The following ATG7 variants were observed in gnomAD, a reference collection of about 807,000 sequenced individuals.
ATG7 encodes the protein ubiquitin-like modifier-activating enzyme ATG7.
In ATG7, 70 loss-of-function variants were observed where a neutral mutation model predicts 82.4. That is an observed-to-expected ratio of 0.85 (90% CI 0.70 to 1.04). The LOEUF (loss-of-function observed/expected upper bound fraction) is 1.04, where lower values mean the gene tolerates loss of function less well. ATG7 is among the 50% of genes least tolerant of loss of function. ATG7 has a pLI of 0.00. For missense variants in ATG7, 792 were observed against 864.3 expected, an observed-to-expected ratio of 0.92 and a Z score of 1.05; for synonymous variants, 287 against 313.0, an observed-to-expected ratio of 0.92 and a Z score of 0.88.
Position 11,556,626 on chromosome 3 carries a change from GAAC to G in ATG7, c.*1789_*1791del, listed in dbSNP as rs1468287039. On this transcript the variant is annotated 3_prime_UTR_variant, in exon 21 of 21. Coordinates refer to ENST00000693202, the MANE Select transcript of ATG7 (RefSeq NM_001349232.2). ...AAAAAAAGATCAACTTTTTTTTTCC[GAAC>G]AACAAAAAAAATGAATGATTACAAT... The G allele has an allele frequency of 6.7e-6, 1 of 150,296 alleles. No homozygotes were observed. The highest frequency in any genetic ancestry group is 1.5e-5 in the Non-Finnish European group (1 of 67,536). The allele number at this position is 150,296 out of a possible 1,614,324, so 9.3% of individuals were successfully genotyped here. A position where few individuals can be genotyped will look rare whatever the true frequency, so the allele number is the denominator to read the frequency against.
At chr3:11,363,316 C>T (rs528578799) in intron 17 of ATG7, among the ~76,000 whole-genome samples, 17 of 151,750 alleles carry the variant, frequency 1.1e-4, no homozygotes, top group African/African-American at 2.9e-4. Context: ...GATTTTGGCT[C>T]ACTGCAACCT....
At chr3:11,379,401 T>C (rs1385499695) in intron 18 of ATG7, among the ~76,000 whole-genome samples, 1 of 152,222 alleles carries the variant, frequency 6.6e-6, no homozygotes, top group Non-Finnish European at 1.5e-5. Flanking sequence ...TAGTCCAGAA[T>C]TTTATGCTCA....
intron 1 of ATG7, among the ~76,000 whole-genome samples, chr3:11,276,251 G>T (rs1941773077): frequency 6.6e-6 from 1 of 152,074 alleles, no homozygotes; most frequent in African/African-American, 2.4e-5. Context: ...ATCTTTAGCT[G>T]ACCCTATCCT....
intron 20 of ATG7, among the ~76,000 whole-genome samples, chr3:11,547,157 G>A (rs1300029943): frequency 6.6e-6 from 1 of 152,198 alleles, no homozygotes; most frequent in Non-Finnish European, 1.5e-5. Flanking sequence ...GTCTTTAGAG[G>A]GAATTATGTT....
At position 11,557,645 on chromosome 3, in the gene ATG7, ATAAAC is replaced by A. The variant is rs2072565831; in HGVS notation, c.*2806_*2810del. 6.5e-6 allele frequency: 1 copy of A among 152,784 alleles called. No homozygotes were observed. The highest frequency in any genetic ancestry group is 2.4e-5 in the African/African-American group (1 of 41,470). 9.5% of individuals were successfully genotyped at this position (152,784 alleles called of 1,614,324 possible). On this transcript the variant is annotated 3_prime_UTR_variant, in exon 21 of 21. Transcript: ENST00000693202. ...ATATCTAGGACTGTAACTGACAAAA[ATAAAC>A]TAATTCTGAAAAGAAGATAGTAAGT...
At chr3:11,328,270 A>G (rs543128929) in intron 9 of ATG7, among the ~76,000 whole-genome samples, 3 of 152,330 alleles carry the variant, frequency 2.0e-5, no homozygotes, top group East Asian at 3.9e-4. Flanking sequence ...TATTTCCTCC[A>G]TGATTAAACT....
At chr3:11,512,892 T>A (rs2092126620) in intron 20 of ATG7, among the ~76,000 whole-genome samples, 1 of 152,198 alleles carries the variant, frequency 6.6e-6, no homozygotes, top group Non-Finnish European at 1.5e-5. Flanking sequence ...TACAGAGAGC[T>A]GATTGGTGCG....
At chr3:11,335,710 T>C (rs558320313) in intron 11 of ATG7, among the ~76,000 whole-genome samples, 5 of 152,348 alleles carry the variant, frequency 3.3e-5, no homozygotes, top group African/African-American at 1.2e-4. Context: ...TTTTTTGCTT[T>C]TTTTGAGACA....
In ATG7 at chr3:11,546,512, C is replaced by T. The variant is rs1011930356; in HGVS notation, c.2080-8299C>T. ...ACATTTAACAAATGAACGCTTTTAACGGACACACAGAAATATAATTGTGCC... is the reference window on the plus strand; with the variant it reads ...ACATTTAACAAATGAACGCTTTTAATGGACACACAGAAATATAATTGTGCC... On this transcript the variant is annotated intron_variant, in intron 20 of 20. Coordinates refer to ENST00000693202, the MANE Select transcript of ATG7 (RefSeq NM_001349232.2). Among the ~76,000 whole-genome samples, 165 of 152,282 alleles carry T rather than the reference C, an allele frequency of 1.1e-3. 1 individual carries two copies. The highest frequency in any genetic ancestry group is 2.1e-4 in the South Asian group (1 of 4,824).
intron 11 of ATG7, among the ~76,000 whole-genome samples, chr3:11,337,320 G>A (rs1449909381): frequency 2.6e-5 from 4 of 152,116 alleles, no homozygotes; most frequent in Non-Finnish European, 5.9e-5. Flanking sequence ...GGGCATGGTG[G>A]TGCGCACCTG....
chr3:11,567,930 G>A, the ATG7 span, among the ~76,000 whole-genome samples: 2 of 152,182 alleles, frequency 1.3e-5, no homozygotes, highest in Admixed American at 6.6e-5. Flanking sequence ...GGGGGCTCAT[G>A]TCCCAGATTC....
At chr3:11,570,321 T>A in the ATG7 span, among the ~76,000 whole-genome samples, 15 of 152,058 alleles carry the variant, frequency 9.9e-5, no homozygotes. Context: ...TCCACCCACC[T>A]TCCTGCCCCA....
At chr3:11,538,664 G>A (rs539211690) in intron 20 of ATG7, among the ~76,000 whole-genome samples, 2 of 114,042 alleles carry the variant, frequency 1.8e-5, no homozygotes, top group Non-Finnish European at 3.3e-5. Flanking sequence ...TCAGTGTGAT[G>A]AAACTCCGTC....
chr3:11,395,689 C>T (rs1416594891), intron 19 of ATG7, among the ~76,000 whole-genome samples: 4 of 152,088 alleles, frequency 2.6e-5, no homozygotes, highest in Non-Finnish European at 5.9e-5. Context: ...GCCTGTAATC[C>T]CAGCACTTTG....
intron 20 of ATG7, among the ~76,000 whole-genome samples, chr3:11,500,652 T>C (rs1474573816): frequency 6.6e-6 from 1 of 152,196 alleles, no homozygotes; most frequent in Non-Finnish European, 1.5e-5. Context: ...AAGGTTTTTT[T>C]GTTTGTTTGT....
intron 13 of ATG7, 86 bp downstream of exon 13, chr3:11,342,365 C>T (rs1953786521): frequency 2.1e-6 from 3 of 1,460,390 alleles, no homozygotes; most frequent in Non-Finnish European, 2.7e-6. Context: ...CTTCCATCTC[C>T]CAGCTCCCCA....
chr3:11,512,625 C>T (rs1575139064), intron 20 of ATG7, among the ~76,000 whole-genome samples: 2 of 152,154 alleles, frequency 1.3e-5, no homozygotes, highest in African/African-American at 4.8e-5. Flanking sequence ...CTGGTGGGTT[C>T]GTGGTCTCGC....
In ATG7 at chr3:11,556,449, G is replaced by C. The variant is rs900260177; in HGVS notation, c.*1606G>C. ...TCACTGACAAAGAGACCTGTCCCAG[G>C]AGTGTCCTCCACCGAGCCGGTCAGC... On this transcript the variant is annotated 3_prime_UTR_variant, in exon 21 of 21. Coordinates refer to ENST00000693202, the MANE Select transcript of ATG7 (RefSeq NM_001349232.2). The C allele has an allele frequency of 6.5e-6, 1 of 152,718 alleles. No individual in the cohort carries two copies. Among genetic ancestry groups the C allele is most frequent in the Admixed American group, 6.5e-5 (1 of 15,268 alleles). The allele number at this position is 152,718 out of a possible 1,614,324, so 9.5% of individuals were successfully genotyped here.
At chr3:11,457,651 C>G (rs1356818204) in intron 20 of ATG7, among the ~76,000 whole-genome samples, 1 of 152,162 alleles carries the variant, frequency 6.6e-6, no homozygotes, top group Non-Finnish European at 1.5e-5. Flanking sequence ...TTAGTAGGCA[C>G]AAAGTGACTA....
Sources: allele counts gnomAD v4.1 joint callset (sites outside exome capture counted in the v4.1 genomes callset), GRCh38; gene constraint gnomAD v4.1.1; transcripts MANE v1.5; gene names NCBI Gene and HGNC (gene_info 2026-07-23, HGNC 2026-07-21).